Variants in MROH7 observed in about 807,000 individuals in gnomAD.
MROH7 encodes maestro heat like repeat family member 7.
In MROH7, 113 loss-of-function variants were observed where a neutral mutation model predicts 129.2. The ratio of observed to expected loss-of-function variants is 0.87; its 90% confidence interval spans 0.75 to 1.02. The LOEUF is 1.02. MROH7 is among the 50% of genes least tolerant of loss of function. The pLI is 0.00. For missense variants in MROH7, 1,601 were observed against 1,671.3 expected, an observed-to-expected ratio of 0.96 and a Z score of 0.73; for synonymous variants, 655 against 667.9, an observed-to-expected ratio of 0.98 and a Z score of 0.30.
chr1:54,695,040 CG>C (rs1645298580), intron 16 of MROH7, among the ~76,000 whole-genome samples: 1 of 152,212 alleles, frequency 6.6e-6, no homozygotes, highest in Non-Finnish European at 1.5e-5. Context: ...TGCTGCCTGG[CG>C]CTTGGTGAGT....
rs762118162 is a variant in MROH7 at position 54,701,319 on chromosome 1, C to G, written c.3282C>G (p.Ser1094Arg). 6.3e-7 allele frequency: 1 copy of G among 1,587,814 alleles called. No homozygotes were observed. Among genetic ancestry groups the G allele is most frequent in the Admixed American group, 1.7e-5 (1 of 58,406 alleles). Residue 1094 changes from serine (S) to arginine (R), a missense_variant, in exon 19 of 24, where the codon AGC becomes AGG. Physicochemically the swap from Ser to Arg is moderately radical, Grantham distance 110 (BLOSUM62 -1). Transcript: ENST00000421030. The stretch of plus-strand genomic sequence containing the variant: ...TGCAGATCCTGCTGCCGCACTTCAG[C>G]GACGTGAGGACCTCACAGAGCGAAG... The part of the protein sequence containing the change: ...EMLQILLPHF[S>R]DAREVVRSSC...
At chr1:54,705,463 G>A (rs934721565) in intron 21 of MROH7, among the ~76,000 whole-genome samples, 2 of 152,224 alleles carry the variant, frequency 1.3e-5, no homozygotes, top group Admixed American at 1.3e-4. Flanking sequence ...TGTCATAGGT[G>A]TCATGACAAA....
chr1:54,690,628 A>G (rs531209084), intron 15 of MROH7, among the ~76,000 whole-genome samples: 1 of 152,160 alleles, frequency 6.6e-6, no homozygotes, highest in Admixed American at 6.5e-5. Context: ...TATTTTTAGT[A>G]GAGACAGGAT....
chr1:54,644,998 C>T (rs549582308), intron 1 of MROH7, among the ~76,000 whole-genome samples: 19 of 150,856 alleles, frequency 1.3e-4, no homozygotes, highest in Admixed American at 6.0e-4. Context: ...TTAGTAGAGA[C>T]GGGGTTTCAC....
At chr1:54,671,564 G>A (rs963065228) in intron 7 of MROH7, among the ~76,000 whole-genome samples, 1 of 152,216 alleles carries the variant, frequency 6.6e-6, no homozygotes, top group Non-Finnish European at 1.5e-5. Context: ...TGGGGATGAG[G>A]CCTGGAGAAG....
intron 17 of MROH7, chr1:54,699,094 T>TGCCTTTCTTTTTTTTTC (rs1553176859): frequency 6.1e-5 from 6 of 98,296 alleles, no homozygotes; most frequent in African/African-American, 2.5e-4. Context: ...TTGCCTGGCC[T>TGCCTTTCTTTTTTTTTC]TTTCTTTCTT....
rs1223247071 is a variant in MROH7, at chr1:54,690,465, A to T, written c.2712-1959A>T. 8.1e-3 allele frequency among the ~76,000 whole-genome samples: 935 copies of T among 114,766 alleles called. 7 individuals carry two copies. The highest frequency in any genetic ancestry group is 0.013 in the Admixed American group (129 of 10,226). The allele number at this position is 114,766 out of a possible 152,430, so 75.3% of individuals were successfully genotyped here. A position where few individuals can be genotyped will look rare whatever the true frequency, so the allele number is the denominator to read the frequency against. ...TTTTTTTTTTTTCCTTTTTTTTTTTAGACGGAGTCTCACTGTCGCCCAGGC... is the reference window on the plus strand; with the variant it reads ...TTTTTTTTTTTTCCTTTTTTTTTTTTGACGGAGTCTCACTGTCGCCCAGGC... On this transcript the variant is annotated intron_variant, in intron 15 of 23. Coordinates refer to ENST00000421030, the MANE Select transcript of MROH7 (RefSeq NM_001039464.4).
chr1:54,666,744 G>A (rs1644821384), intron 4 of MROH7, among the ~76,000 whole-genome samples: 1 of 152,066 alleles, frequency 6.6e-6, no homozygotes, highest in Non-Finnish European at 1.5e-5. Flanking sequence ...ACCACACCCA[G>A]CAAGAGAAGA....
chr1:54,653,123 G>A lies in MROH7; in HGVS notation c.197G>A (p.Ser66Asn). The change falls in exon 3 of 24, where the codon AGT (serine) becomes AAT (asparagine). Residue 66 changes from serine (S) to asparagine (N), a missense_variant. By Grantham distance (46) the Ser-to-Asn change is conservative. Transcript: ENST00000421030. The stretch of plus-strand genomic sequence containing the variant: ...GTTCCAGATCTTAATGATTCTTTGA[G>A]TCCAGTCTCAGGGGAGGCCTCAGGC... ...ALVPDLNDSLSPVSGEASGLV... is the reference protein window; with the variant it reads ...ALVPDLNDSLNPVSGEASGLV... 1.2e-6 allele frequency: 2 copies of A among 1,614,170 alleles called. No individual in the cohort carries two copies. The highest frequency in any genetic ancestry group is 8.5e-7 in the Non-Finnish European group (1 of 1,180,032).
At chr1:54,673,620 T>G (rs1644935866) in intron 8 of MROH7, 81 bp from the exon 9 acceptor site, 2 of 1,008,632 alleles carry the variant, frequency 2.0e-6, no homozygotes, top group Non-Finnish European at 1.6e-6. Context: ...TTCCTGCTGA[T>G]GGGTGAAGGC....
At chr1:54,656,640 T>C (rs1164064511) in intron 3 of MROH7, among the ~76,000 whole-genome samples, 1 of 151,358 alleles carries the variant, frequency 6.6e-6, no homozygotes, top group Non-Finnish European at 1.5e-5. Context: ...CTGGCCAACA[T>C]GGTGAAACCC....
At chr1:54,706,559 C>T in intron 22 of MROH7, 22 bp downstream of exon 22, 1 of 1,548,830 alleles carries the variant, frequency 6.5e-7, no homozygotes, top group African/African-American at 1.4e-5. Flanking sequence ...TGGCATAAGT[C>T]ATCCTGCTGC....
intron 10 of MROH7, 140 bp downstream of exon 10, chr1:54,674,291 G>A (rs1644949444): frequency 3.4e-6 from 3 of 878,476 alleles, no homozygotes; most frequent in African/African-American, 1.7e-5. Context: ...GATGGGGACT[G>A]TGGAAACTGG....
chr1:54,699,822 G>C (rs1250211155), intron 17 of MROH7: 1 of 408,380 alleles, frequency 2.4e-6, no homozygotes, highest in African/African-American at 2.0e-5. Flanking sequence ...CAGGGAAGGA[G>C]GCAGTCAGCC....
At chr1:54,652,490 C>A (rs977913806) in intron 2 of MROH7, among the ~76,000 whole-genome samples, 1 of 152,212 alleles carries the variant, frequency 6.6e-6, no homozygotes, top group Non-Finnish European at 1.5e-5. Flanking sequence ...CTTGTCATTG[C>A]AAAGCTCATC....
intron 13 of MROH7, among the ~76,000 whole-genome samples, chr1:54,682,347 T>C (rs1008899111): frequency 2.6e-5 from 4 of 151,928 alleles, no homozygotes; most frequent in Non-Finnish European, 5.9e-5. Context: ...TTTGTATTAT[T>C]AGTAGAGACG....
rs1157748080 is a variant in MROH7, at chr1:54,696,659, C to CTTTTT, written c.2964+1195_2964+1199dup. 4.6e-3 allele frequency among the ~76,000 whole-genome samples: 308 copies of CTTTTT among 66,892 alleles called. 13 individuals carry two copies. Among genetic ancestry groups the CTTTTT allele is most frequent in the African/African-American group, 6.2e-3 (90 of 14,618 alleles). 43.9% of individuals were successfully genotyped at this position (66,892 alleles called of 152,430 possible). Reference sequence around the variant, plus strand: ...TGTTGCATGCATCACAATTTCCTTACTTTTTTTTTTTTTTTTTTTTTTTTT... The same window carrying CTTTTT: ...TGTTGCATGCATCACAATTTCCTTACTTTTTTTTTTTTTTTTTTTTTTTTTTTTTT... On this transcript the variant is annotated intron_variant, in intron 17 of 23. Coordinates refer to ENST00000421030, the MANE Select transcript of MROH7 (RefSeq NM_001039464.4).
chr1:54,672,291 G>C (rs1644914376), intron 7 of MROH7, among the ~76,000 whole-genome samples: 1 of 152,058 alleles, frequency 6.6e-6, no homozygotes, highest in Non-Finnish European at 1.5e-5. Context: ...GGTGGTTGTG[G>C]TATAACCCCA....
chr1:54,646,057 T>G (rs993770723), intron 1 of MROH7, among the ~76,000 whole-genome samples: 8 of 152,348 alleles, frequency 5.3e-5, no homozygotes, highest in African/African-American at 1.9e-4. Context: ...TTTGCTTCAT[T>G]TTTCTGGTAT....
Sources: allele counts gnomAD v4.1 joint callset (sites outside exome capture counted in the v4.1 genomes callset), GRCh38; gene constraint gnomAD v4.1.1; transcripts MANE v1.5; gene names NCBI Gene and HGNC (gene_info 2026-07-23, HGNC 2026-07-21).